The following DCDC1 variants were observed in gnomAD, a reference collection of about 807,000 sequenced individuals.
The protein encoded by DCDC1 is doublecortin domain containing 1, also known as doublecortin domain-containing protein 1.
In DCDC1, 200 loss-of-function variants were observed where a neutral mutation model predicts 178.3. That is an observed-to-expected ratio of 1.12 (90% CI 1.00 to 1.26). The LOEUF is 1.26. Among genes scored for constraint, DCDC1 ranks in the 50% most tolerant of loss-of-function variants. DCDC1 has a pLI of 0.00. For synonymous variants in DCDC1, 690 were observed against 604.8 expected (o/e 1.14, Z -2.07); for missense variants, 1,983 against 1,749.2 (o/e 1.13, Z -2.38).
chr11:30,987,027 G>C (rs1408708471), intron 20 of DCDC1, among the ~76,000 whole-genome samples: 1 of 152,028 alleles, frequency 6.6e-6, no homozygotes, highest in Admixed American at 6.6e-5. Context: ...ATTTGTTTTT[G>C]TTTGTTTGAG....
chr11:31,357,816 C>G (rs1055420330), intron 1 of DCDC1, among the ~76,000 whole-genome samples: 1 of 151,730 alleles, frequency 6.6e-6, no homozygotes, highest in Non-Finnish European at 1.5e-5. Flanking sequence ...AGAGCCAAAT[C>G]ATGAGTGAAC....
intron 20 of DCDC1, among the ~76,000 whole-genome samples, chr11:31,032,753 T>C (rs1166892156): frequency 6.6e-6 from 1 of 152,198 alleles, no homozygotes; most frequent in Admixed American, 6.5e-5. Context: ...TTTGAAGTTG[T>C]GGGGACAGTT....
intron 7 of DCDC1, among the ~76,000 whole-genome samples, chr11:31,273,625 T>G (rs1260845617): frequency 1.3e-5 from 2 of 152,180 alleles, no homozygotes; most frequent in African/African-American, 2.4e-5. Flanking sequence ...CCTATCTTCT[T>G]TTGAGCTCTC....
Position 31,265,232 on chromosome 11 carries a change from C to T in DCDC1, c.1054+275G>A, listed in dbSNP as rs150633900. 6.9e-3 allele frequency among the ~76,000 whole-genome samples: 1,052 copies of T among 152,028 alleles called. 14 individuals are homozygous for T. The highest frequency in any genetic ancestry group is 0.024 in the African/African-American group (988 of 41,504). ...TGTATCCTATATAAATTGGCTGTTA[C>T]GTTATAAAAATGTATTAATTACTTT... On this transcript the variant is annotated intron_variant, in intron 8 of 38. Coordinates refer to ENST00000684477, the MANE Select transcript of DCDC1 (RefSeq NM_001387274.1).
intron 20 of DCDC1, among the ~76,000 whole-genome samples, chr11:31,027,365 G>C (rs927993838): frequency 6.6e-6 from 1 of 151,692 alleles, no homozygotes; most frequent in Non-Finnish European, 1.5e-5. Flanking sequence ...CAAAGGATGA[G>C]GCCTGATACA....
chr11:31,111,547 AGT>A (rs1178262194), intron 11 of DCDC1, among the ~76,000 whole-genome samples: 1 of 152,192 alleles, frequency 6.6e-6, no homozygotes, highest in Non-Finnish European at 1.5e-5. Context: ...ATTATTTTTA[AGT>A]AATAATCCTG....
chr11:31,230,613 C>G (rs942519309), intron 9 of DCDC1, among the ~76,000 whole-genome samples: 16 of 152,238 alleles, frequency 1.1e-4, no homozygotes, highest in African/African-American at 3.9e-4. Context: ...CCATCTGTCT[C>G]AAAGGACCAC....
intron 7 of DCDC1, among the ~76,000 whole-genome samples, chr11:31,283,360 C>A (rs1309799099): frequency 2.8e-5 from 3 of 106,344 alleles, no homozygotes; most frequent in African/African-American, 9.1e-5. Context: ...TGCTGTTAAA[C>A]CCAGGTTTTT....
At chr11:31,240,352 C>T (rs555005203) in intron 9 of DCDC1, among the ~76,000 whole-genome samples, 1 of 151,900 alleles carries the variant, frequency 6.6e-6, no homozygotes, top group African/African-American at 2.4e-5. Flanking sequence ...TAATTATAAT[C>T]CTGTTTCTGG....
At chr11:31,348,638 G>A (rs1345253279) in intron 1 of DCDC1, among the ~76,000 whole-genome samples, 1 of 152,140 alleles carries the variant, frequency 6.6e-6, no homozygotes, top group African/African-American at 2.4e-5. Context: ...ATACACTGTG[G>A]TAGGAACTTC....
intron 16 of DCDC1, 54 bp downstream of exon 16, chr11:31,093,996 G>A (rs549709408): frequency 9.8e-5 from 73 of 743,790 alleles, no homozygotes; most frequent in African/African-American, 7.7e-4. Context: ...AGCAAGTGCC[G>A]TGAGCCAGCA....
chr11:31,195,504 G>T (rs750592762), intron 9 of DCDC1, among the ~76,000 whole-genome samples: 4 of 151,944 alleles, frequency 2.6e-5, no homozygotes, highest in Admixed American at 1.3e-4. Context: ...GAAGTTGTAC[G>T]GAGAGATATA....
intron 3 of DCDC1, among the ~76,000 whole-genome samples, chr11:31,310,701 C>A (rs1207897549): frequency 6.6e-6 from 1 of 152,056 alleles, no homozygotes; most frequent in Non-Finnish European, 1.5e-5. Flanking sequence ...TGATTACATA[C>A]CCTTGCAAAG....
Position 30,984,950 on chromosome 11 carries a change from G to A in DCDC1, c.2592-32382C>T, listed in dbSNP as rs115761296. ...TCCTAAAAGGATGGGAGTCCAGGGC[G>A]GTTGGTGAGTTCCCAGGGTCTCAAA... On this transcript the variant is annotated intron_variant, in intron 20 of 38. Coordinates refer to ENST00000684477, the MANE Select transcript of DCDC1 (RefSeq NM_001387274.1). Among the ~76,000 whole-genome samples the A allele has an allele frequency of 3.1e-3, 473 of 152,256 alleles. 4 individuals are homozygous for A. Among genetic ancestry groups the A allele is most frequent in the African/African-American group, 0.011 (451 of 41,554 alleles).
intron 10 of DCDC1, among the ~76,000 whole-genome samples, chr11:31,128,139 A>T (rs1441640405): frequency 6.6e-6 from 1 of 152,006 alleles, no homozygotes; most frequent in Non-Finnish European, 1.5e-5. Flanking sequence ...TTAACCTATT[A>T]TCTTCCTCCC....
chr11:31,165,209 A>T (rs1001319219), intron 9 of DCDC1, among the ~76,000 whole-genome samples: 4 of 152,208 alleles, frequency 2.6e-5, no homozygotes, highest in Non-Finnish European at 5.9e-5. Flanking sequence ...GATATTATGG[A>T]TGTTTTTAAT....
chr11:31,249,467 C>T (rs564541331), intron 8 of DCDC1, among the ~76,000 whole-genome samples: 1 of 152,254 alleles, frequency 6.6e-6, no homozygotes, highest in Non-Finnish European at 1.5e-5. Context: ...TAACCACATT[C>T]TGTTTTTGAC....
intron 20 of DCDC1, among the ~76,000 whole-genome samples, chr11:30,984,282 T>C (rs1950532851): frequency 6.6e-6 from 1 of 151,992 alleles, no homozygotes; most frequent in Non-Finnish European, 1.5e-5. Flanking sequence ...ACTGTGTCAC[T>C]GGGCCTCCTC....
At chr11:31,323,970 A>C (rs1949514568) in intron 3 of DCDC1, among the ~76,000 whole-genome samples, 2 of 152,152 alleles carry the variant, frequency 1.3e-5, no homozygotes, top group Admixed American at 6.5e-5. Flanking sequence ...ATGAGTAATA[A>C]AAGTAAAAAA....
Sources: allele counts gnomAD v4.1 joint callset (sites outside exome capture counted in the v4.1 genomes callset), GRCh38; gene constraint gnomAD v4.1.1; transcripts MANE v1.5; gene names NCBI Gene and HGNC (gene_info 2026-07-23, HGNC 2026-07-21).